The following HSD3B7 variants were observed in gnomAD, a reference collection of about 807,000 sequenced individuals.
The protein encoded by HSD3B7 is 3 beta-hydroxysteroid dehydrogenase type 7.
In HSD3B7, 35 loss-of-function variants were observed where a neutral mutation model predicts 34.3. The observed-to-expected ratio is 1.02, with a 90% CI of 0.78 to 1.35. The LOEUF (loss-of-function observed/expected upper bound fraction) is 1.35. Among genes scored for constraint, HSD3B7 ranks in the 40% most tolerant of loss-of-function variants. The pLI is 0.00. For synonymous variants in HSD3B7, 217 were observed against 220.1 expected (o/e 0.99, Z 0.13); for missense variants, 426 against 504.7 (o/e 0.84, Z 1.49).
In HSD3B7 at chr16:30,985,792, AC is replaced by A; in HGVS notation, c.136del (p.Leu46TrpfsTer8). The A allele has an allele frequency of 6.2e-7, 1 of 1,603,090 alleles. No homozygotes were observed. The highest frequency in any genetic ancestry group is 8.5e-7 in the Non-Finnish European group (1 of 1,176,190). ...RLGELRVFDQHLGPWLEELKT... is the reference protein window; with the variant it reads ...RLGELRVFDQXLGPWLEELKT... ...GGGGAGCTGCGGGTCTTTGACCAAC[AC>A]CTGGGTCCCTGGCTGGAGGAGCTGA... On this transcript the variant is annotated frameshift_variant, in exon 2 of 7. Coordinates refer to ENST00000297679, the MANE Select transcript of HSD3B7 (RefSeq NM_025193.4). LOFTEE classifies it high-confidence loss of function.
chr16:30,985,764 C>T lies in HSD3B7; in HGVS notation c.106C>T (p.Leu36Phe). Residue 36 changes from leucine (L) to phenylalanine (F), a missense_variant, in exon 2 of 7, where the codon CTC (leucine) becomes TTC (phenylalanine). Transcript: ENST00000297679. ...VRMLLQREPRLGELRVFDQHL... is the reference protein window; with the variant it reads ...VRMLLQREPRFGELRVFDQHL... ...AATGCTGCTGCAGCGGGAGCCCCGG[C>T]TCGGGGAGCTGCGGGTCTTTGACCA... 3 of 1,604,736 alleles carry T rather than the reference C, an allele frequency of 1.9e-6. No homozygotes were observed. Among genetic ancestry groups the T allele is most frequent in the Non-Finnish European group, 2.5e-6 (3 of 1,177,018 alleles).
chr16:30,988,227 C>G lies in HSD3B7; in HGVS notation c.*44C>G, dbSNP rs934586416. 6.5e-7 allele frequency: 1 copy of G among 1,540,638 alleles called. No individual in the cohort carries two copies. Among genetic ancestry groups the G allele is most frequent in the African/African-American group, 1.4e-5 (1 of 73,106 alleles). On this transcript the variant is annotated 3_prime_UTR_variant, in exon 7 of 7. Transcript: ENST00000297679. ...GAGGCCCAGATACAGCACATCCACC[C>G]AGGTCCCGAGCCCTCACACCCTGGA... is the stretch of plus-strand genomic sequence containing the variant.
Position 30,987,759 on chromosome 16 carries a change from C to A in HSD3B7, c.695-9C>A, listed in dbSNP as rs755883627. ...AGGGGTGTGTCCGCCTCTCTTCCGC[C>A]ACCGGCAGGCAATGTTGCCTGGATG... On this transcript the variant is annotated splice_polypyrimidine_tract_variant and intron_variant, in intron 6 of 6. Coordinates refer to ENST00000297679, the MANE Select transcript of HSD3B7 (RefSeq NM_025193.4). 3 of 1,610,842 alleles carry A rather than the reference C, an allele frequency of 1.9e-6. No homozygotes were observed. In the South Asian group the frequency reaches 3.3e-5, roughly 18 times the overall value.
intron 2 of HSD3B7, 78 bp from the exon 3 acceptor site, chr16:30,985,971 T>G: frequency 6.3e-7 from 1 of 1,585,014 alleles, no homozygotes; most frequent in Non-Finnish European, 8.6e-7. Flanking sequence ...GGAACGTGAC[T>G]CCAGGGTGGA....
At position 30,986,695 on chromosome 16, in the gene HSD3B7, C is replaced by T. The variant is rs150365141; in HGVS notation, c.522C>T (p.Asn174=). Residue 174 remains asparagine (N), a synonymous_variant, in exon 5 of 7, where the codon AAC becomes AAT. Transcript: ENST00000297679. ...ALAEWLVLEA[N]GRKVRGGLPL... ...CCGAGTGGCTGGTCCTGGAGGCCAA[C>T]GGGAGGAAGGTGAGCCCAGAAAAAG... 1.7e-5 allele frequency: 28 copies of T among 1,613,966 alleles called. No individual in the cohort carries two copies. The highest frequency in any genetic ancestry group is 9.3e-5 in the African/African-American group (7 of 75,058).
chr16:30,985,749 C>T lies in HSD3B7; in HGVS notation c.91C>T (p.Gln31Ter). Reference protein sequence around the residue: ...LGEHVVRMLLQREPRLGELRV... With the variant: ...LGEHVVRMLL ...AGAGCACGTGGTGCGAATGCTGCTG[C>T]AGCGGGAGCCCCGGCTCGGGGAGCT... Residue 31 changes from glutamine to a stop codon, truncating the protein, a stop_gained, in exon 2 of 7, where the codon CAG becomes TAG. Transcript: ENST00000297679. LOFTEE classifies it high-confidence loss of function. 1 of 1,606,846 alleles carries T rather than the reference C, an allele frequency of 6.2e-7. No homozygotes were observed. Among genetic ancestry groups the T allele is most frequent in the South Asian group, 1.1e-5 (1 of 89,690 alleles).
rs1567371663 is a variant in HSD3B7 at position 30,986,697 on chromosome 16, G to A, written c.524G>A (p.Gly175Glu). 3.7e-6 allele frequency: 6 copies of A among 1,614,002 alleles called. No homozygotes were observed. The highest frequency in any genetic ancestry group is 5.1e-6 in the Non-Finnish European group (6 of 1,179,988). ...GAGTGGCTGGTCCTGGAGGCCAACG[G>A]GAGGAAGGTGAGCCCAGAAAAAGGA... ...LAEWLVLEAN[G>E]RKVRGGLPLV... The change falls in exon 5 of 7, where the codon GGG becomes GAG. Residue 175 changes from glycine (G) to glutamate (E), a missense_variant. Coordinates refer to ENST00000297679, the MANE Select transcript of HSD3B7 (RefSeq NM_025193.4).
At chr16:30,985,904 A>C (rs758326108) in intron 2 of HSD3B7, 80 bp downstream of exon 2, 2 of 1,585,136 alleles carry the variant, frequency 1.3e-6, no homozygotes, top group Non-Finnish European at 1.7e-6. Flanking sequence ...CCACCCCTGC[A>C]GTGGAACAGA....
intron 6 of HSD3B7, 168 bp from the exon 7 acceptor site, chr16:30,987,600 G>C (rs957562421): frequency 1.3e-6 from 1 of 748,444 alleles, no homozygotes; most frequent in African/African-American, 1.7e-5. Context: ...TGGCCCAGGA[G>C]AGCAAGTGAC....
chr16:30,985,623 C>T (rs1463736967), intron 1 of HSD3B7, 30 bp from the exon 2 acceptor site: 1 of 1,580,644 alleles, frequency 6.3e-7, no homozygotes, highest in Non-Finnish European at 8.5e-7. Context: ...TGGCAGCCAG[C>T]CCCTGGATGA....
At position 30,986,140 on chromosome 16, in the gene HSD3B7, G is replaced by A. The variant is rs767303695; in HGVS notation, c.258G>A (p.Thr86=). The part of the protein sequence containing the change: ...AVAGAHVVIH[T]AGLVDVFGRA... ...CCGGAGCCCATGTGGTCATCCACAC[G>A]GCTGGGCTGGTAGACGTGTTTGGCA... Residue 86 remains threonine, a synonymous_variant, in exon 3 of 7, where the codon ACG becomes ACA. Transcript: ENST00000297679. The A allele has an allele frequency of 1.2e-5, 19 of 1,613,900 alleles. No homozygotes were observed. In the South Asian group the frequency reaches 1.9e-4, roughly 16 times the overall value.
Position 30,988,213 on chromosome 16 carries a change from A to G in HSD3B7, c.*30A>G. On this transcript the variant is annotated 3_prime_UTR_variant, in exon 7 of 7. Coordinates refer to ENST00000297679, the MANE Select transcript of HSD3B7 (RefSeq NM_025193.4). The stretch of plus-strand genomic sequence containing the variant: ...GGGGCTGGGGCCTGGAGGCCCAGAT[A>G]CAGCACATCCACCCAGGTCCCGAGC... The G allele has an allele frequency of 6.4e-7, 1 of 1,563,942 alleles. No homozygotes were observed. The highest frequency in any genetic ancestry group is 8.6e-7 in the Non-Finnish European group (1 of 1,160,790).
intron 6 of HSD3B7, 22 bp from the exon 7 acceptor site, chr16:30,987,746 G>T (rs200499862): frequency 6.2e-7 from 1 of 1,608,030 alleles, no homozygotes; most frequent in South Asian, 1.1e-5. Context: ...GGGTGTGTCC[G>T]CCTCTCTTCC....
In HSD3B7 at chr16:30,986,207, G is replaced by A; in HGVS notation, c.322+3G>A. ...CATCCATGAGGTCAACGTGCAGGGT[G>A]AGGAGCTCTGGACACTCCTGGCCAT... On this transcript the variant is annotated splice_donor_region_variant and intron_variant, in intron 3 of 6. Transcript: ENST00000297679. The A allele has an allele frequency of 1.2e-6, 2 of 1,613,592 alleles. No individual in the cohort carries two copies. The highest frequency in any genetic ancestry group is 1.7e-6 in the Non-Finnish European group (2 of 1,179,824).
chr16:30,986,832 G>A lies in HSD3B7; in HGVS notation c.532-8G>A. The A allele has an allele frequency of 1.2e-6, 2 of 1,613,984 alleles. No individual in the cohort carries two copies. The highest frequency in any genetic ancestry group is 1.7e-6 in the Non-Finnish European group (2 of 1,180,034). ...CCAGGTCTCAGCAGTACCTGCCTTT[G>A]CCACCAGGTCCGTGGGGGGCTGCCC... is the stretch of plus-strand genomic sequence containing the variant. On this transcript the variant is annotated splice_polypyrimidine_tract_variant and splice_region_variant and intron_variant, in intron 5 of 6. Transcript: ENST00000297679.
Position 30,985,251 on chromosome 16 carries a change from G to A in HSD3B7, c.-53G>A. ...GGCCGGCCAGCCCTGGACGAAAGAA[G>A]AGGGCCCCTCCAGGCCAGTCTGGGC... On this transcript the variant is annotated 5_prime_UTR_variant, in exon 1 of 7. Transcript: ENST00000297679. The A allele has an allele frequency of 8.8e-7, 1 of 1,130,300 alleles. No individual in the cohort carries two copies. Among genetic ancestry groups the A allele is most frequent in the East Asian group, 7.1e-5 (1 of 14,124 alleles). 70.0% of individuals were successfully genotyped at this position (1,130,300 alleles called of 1,614,324 possible). A position where few individuals can be genotyped will look rare whatever the true frequency, so the allele number is the denominator to read the frequency against.
Position 30,987,588 on chromosome 16 carries a change from G to A in HSD3B7, c.695-180G>A, listed in dbSNP as rs2056501829. The A allele has an allele frequency of 7.2e-6, 5 of 691,460 alleles. No homozygotes were observed. In the East Asian group the frequency reaches 1.3e-4, roughly 18 times the overall value. 42.8% of individuals were successfully genotyped at this position (691,460 alleles called of 1,614,324 possible). The stretch of plus-strand genomic sequence containing the variant: ...CTCCCCAGGTTCTTTGCAGATGCAG[G>A]CTGGCCCAGGAGAGCAAGTGACTAC... On this transcript the variant is annotated intron_variant, in intron 6 of 6. Coordinates refer to ENST00000297679, the MANE Select transcript of HSD3B7 (RefSeq NM_025193.4).
chr16:30,987,437 A>T, intron 6 of HSD3B7: 1 of 447,420 alleles, frequency 2.2e-6, no homozygotes, highest in South Asian at 2.2e-5. Context: ...ACAGAGACAG[A>T]CCCTGTCTCT....
chr16:30,988,329 C>T lies in HSD3B7; in HGVS notation c.*146C>T. 1 of 735,070 alleles carries T rather than the reference C, an allele frequency of 1.4e-6. No individual in the cohort carries two copies. Among genetic ancestry groups the T allele is most frequent in the Admixed American group, 2.9e-5 (1 of 34,754 alleles). 45.5% of individuals were successfully genotyped at this position (735,070 alleles called of 1,614,324 possible). ...ATGGCTGTCCTTGTCGTAGAGCCCT[C>T]CACATTTTCTTTTTCTTTTTTGAGA... On this transcript the variant is annotated 3_prime_UTR_variant, in exon 7 of 7. Transcript: ENST00000297679.
Sources: gnomAD v4.1 joint callset for allele counts on GRCh38, gnomAD v4.1.1 for gene constraint, MANE v1.5 for transcripts, NCBI Gene and HGNC (gene_info 2026-07-23, HGNC 2026-07-21) for gene names.